The following ZNF735 variants were observed in gnomAD, a reference collection of about 807,000 sequenced individuals.
The protein encoded by ZNF735 is zinc finger protein 735, also known as putative zinc finger protein 735.
ZNF735 carries 11 observed loss-of-function variants against 13.4 expected under a neutral mutation model. The ratio of observed to expected loss-of-function variants is 0.82; its 90% CI spans 0.52 to 1.36. ZNF735 has a LOEUF of 1.36. Ranked by LOEUF, ZNF735 falls within the 40% of genes most tolerant of loss-of-function variation. The probability of loss-of-function intolerance (pLI) is 0.00; values close to 1 mark genes in which losing one functional copy is unlikely to be tolerated. For synonymous variants in ZNF735, 171 were observed against 162.6 expected, an observed-to-expected ratio of 1.05 and a Z score of -0.39; for missense variants, 500 against 484.6, an observed-to-expected ratio of 1.03 and a Z score of -0.30.
At chr7:64,215,882 G>A (rs963046946) in intron 3 of ZNF735, among the ~76,000 whole-genome samples, 1 of 151,972 alleles carries the variant, frequency 6.6e-6, no homozygotes, top group Non-Finnish European at 1.5e-5. Context: ...GTCTTTATTT[G>A]TCTTTGTGTG....
At chr7:64,208,683 A>G (rs539409843) in intron 1 of ZNF735, among the ~76,000 whole-genome samples, 6 of 152,230 alleles carry the variant, frequency 3.9e-5, no homozygotes, top group Admixed American at 3.9e-4. Flanking sequence ...TAAGCATAGT[A>G]CTCAACAGAT....
At position 64,214,042 on chromosome 7, in the gene ZNF735, G is replaced by A. The variant is rs763484593; in HGVS notation, c.196G>A (p.Ala66Thr). 8.1e-6 allele frequency: 13 copies of A among 1,599,040 alleles called. No homozygotes were observed. Among genetic ancestry groups the A allele is most frequent in the East Asian group, 4.5e-5 (2 of 44,774 alleles). The stretch of plus-strand genomic sequence containing the variant: ...GACTGTCTCTAAGCCAGACTTGATC[G>A]CCTGTCTGGAGCAAAATAAAGAGCC... The change falls in exon 3 of 4, where the codon GCC (alanine) becomes ACC (threonine). Residue 66 changes from alanine (A) to threonine (T), a missense_variant. By Grantham distance (58) the Ala-to-Thr change is moderately conservative. Coordinates refer to ENST00000429565, the Ensembl canonical transcript of ZNF735.
At chr7:64,210,594 G>A (rs1441934948) in intron 1 of ZNF735, among the ~76,000 whole-genome samples, 1 of 152,188 alleles carries the variant, frequency 6.6e-6, no homozygotes, top group Non-Finnish European at 1.5e-5. Context: ...TTGCATCAAA[G>A]GAAGGCTGCA....
chr7:64,214,406 T>C (rs1286231239), intron 3 of ZNF735, among the ~76,000 whole-genome samples: 1 of 152,166 alleles, frequency 6.6e-6, no homozygotes, highest in Non-Finnish European at 1.5e-5. Context: ...AACTGACTAC[T>C]TTGCCATTGC....
chr7:64,214,054 C>G (rs1787391487), exon 3 of ZNF735: 1 of 1,600,190 alleles, frequency 6.2e-7, no homozygotes, highest in African/African-American at 1.3e-5. Context: ...CTGTCTGGAG[C>G]AAAATAAAGA....
chr7:64,213,953 C>T (rs1478363122), intron 2 of ZNF735, 60 bp from the exon 3 acceptor site: 25 of 1,411,328 alleles, frequency 1.8e-5, no homozygotes, highest in Non-Finnish European at 2.4e-5. Context: ...AGTGAGACTC[C>T]ATCTCAAAAA....
At chr7:64,217,583 CT>C (rs1787437392) in intron 3 of ZNF735, among the ~76,000 whole-genome samples, 1 of 151,312 alleles carries the variant, frequency 6.6e-6, no homozygotes, top group Non-Finnish European at 1.5e-5. Flanking sequence ...TCAATATTTG[CT>C]TTATATATTT....
intron 1 of ZNF735, among the ~76,000 whole-genome samples, chr7:64,210,455 T>C (rs1343653367): frequency 6.6e-6 from 1 of 152,194 alleles, no homozygotes; most frequent in Admixed American, 6.5e-5. Flanking sequence ...AGGGGACTTG[T>C]TGAAAAAGCC....
chr7:64,216,381 G>A (rs1361038358), intron 3 of ZNF735, among the ~76,000 whole-genome samples: 2 of 151,998 alleles, frequency 1.3e-5, no homozygotes, highest in Non-Finnish European at 2.9e-5. Flanking sequence ...GTTCACCACT[G>A]TGGGATATAT....
rs760487624 is a variant in ZNF735 at position 64,219,803 on chromosome 7, G to GC, written c.752_753insC (p.Arg251SerfsTer8). ...TGTGAGGAATGTGGCAAAGCCTTTA[G>GC]GTGGCCCTCAAACCTTACTAGACAT... is the stretch of plus-strand genomic sequence containing the variant. On this transcript the variant is annotated frameshift_variant, in exon 4 of 4. Coordinates refer to ENST00000429565, the Ensembl canonical transcript of ZNF735. LOFTEE classifies it low-confidence loss of function (END_TRUNC). The GC allele has an allele frequency of 1.2e-6, 2 of 1,611,310 alleles. No homozygotes were observed. The highest frequency in any genetic ancestry group is 8.5e-7 in the Non-Finnish European group (1 of 1,178,928).
intron 3 of ZNF735, among the ~76,000 whole-genome samples, chr7:64,216,347 T>G (rs1357785987): frequency 6.6e-6 from 1 of 152,094 alleles, no homozygotes; most frequent in East Asian, 1.9e-4. Context: ...CTTTTGGAAT[T>G]TTGATATAGA....
chr7:64,219,423 A>G (rs1787459591), exon 4 of ZNF735: 2 of 1,614,030 alleles, frequency 1.2e-6, no homozygotes, highest in Admixed American at 3.3e-5. Context: ...AGAATTTACA[A>G]TTAAAAAAAT....
At chr7:64,216,451 A>C (rs1787423576) in intron 3 of ZNF735, among the ~76,000 whole-genome samples, 1 of 152,222 alleles carries the variant, frequency 6.6e-6, no homozygotes, top group Non-Finnish European at 1.5e-5. Context: ...AAAAATATTA[A>C]ATTAGGTTAA....
At chr7:64,207,738 C>T (rs931236752) in intron 1 of ZNF735, among the ~76,000 whole-genome samples, 2 of 152,138 alleles carry the variant, frequency 1.3e-5, no homozygotes, top group African/African-American at 2.4e-5. Flanking sequence ...CCTGTAATCC[C>T]AGCACTTTGG....
chr7:64,208,046 G>C (rs1383919881), intron 1 of ZNF735, among the ~76,000 whole-genome samples: 1 of 151,962 alleles, frequency 6.6e-6, no homozygotes, highest in Non-Finnish European at 1.5e-5. Flanking sequence ...TGATCCATGG[G>C]AGAGACTTGA....
At chr7:64,208,155 A>G (rs1171138120) in intron 1 of ZNF735, among the ~76,000 whole-genome samples, 2 of 149,736 alleles carry the variant, frequency 1.3e-5, no homozygotes, top group Admixed American at 6.7e-5. Flanking sequence ...CCAGGTGAAA[A>G]TTTATTGGTT....
In ZNF735 at chr7:64,214,346, G is replaced by A. The variant is rs1293566582; in HGVS notation, c.262+238G>A. Among the ~76,000 whole-genome samples the A allele has an allele frequency of 2.6e-5, 4 of 151,798 alleles. No individual in the cohort carries two copies. In the East Asian group the frequency reaches 7.7e-4, roughly 29 times the overall value. On this transcript the variant is annotated intron_variant, in intron 3 of 3. Coordinates refer to ENST00000429565, the Ensembl canonical transcript of ZNF735. ...TTTCATTTCAATAATCTTTCTTCAGGTTCACAGTGTGAGCCAAAGTTTTCT... is the reference window on the plus strand; with the variant it reads ...TTTCATTTCAATAATCTTTCTTCAGATTCACAGTGTGAGCCAAAGTTTTCT...
At position 64,207,246 on chromosome 7, in the gene ZNF735, G is replaced by C; in HGVS notation, c.39+5G>C. ...CCCCCTGGAAGCCGAGAAATGGTGA[G>C]TGCTGGGTCTGTCATCGTGAGAGAG... On this transcript the variant is annotated splice_donor_5th_base_variant and intron_variant, in intron 1 of 3. Transcript: ENST00000429565. 6.2e-7 allele frequency: 1 copy of C among 1,614,194 alleles called. No homozygotes were observed. The highest frequency in any genetic ancestry group is 1.1e-5 in the South Asian group (1 of 91,080).
At chr7:64,213,019 A>C in intron 1 of ZNF735, 73 bp from the exon 2 acceptor site, 12 of 1,459,960 alleles carry the variant, frequency 8.2e-6, no homozygotes, top group Non-Finnish European at 1.1e-5. Flanking sequence ...TTTTAACTTG[A>C]GTCAAATAAA....
Sources: allele counts gnomAD v4.1 joint callset (sites outside exome capture counted in the v4.1 genomes callset), GRCh38; gene constraint gnomAD v4.1.1; transcripts MANE v1.5; gene names NCBI Gene and HGNC (gene_info 2026-07-23, HGNC 2026-07-21).